FOXO1: variants seen among roughly 807,000 people sequenced by gnomAD.
FOXO1 encodes forkhead box O1, also known as forkhead box protein O1.
FOXO1 carries 6 observed loss-of-function variants against 44.1 expected under a neutral mutation model. The observed-to-expected ratio is 0.14, with a 90% CI of 0.07 to 0.27. FOXO1 has a LOEUF of 0.27. FOXO1 is among the 10% of genes least tolerant of loss of function. The pLI is 1.00. For synonymous variants in FOXO1, 380 were observed against 362.7 expected (o/e 1.05, Z -0.54); for missense variants, 737 against 888.8 (o/e 0.83, Z 2.17).
At chr13:40,603,019 A>G (rs1054660095) in intron 1 of FOXO1, among the ~76,000 whole-genome samples, 1 of 152,078 alleles carries the variant, frequency 6.6e-6, no homozygotes, top group Admixed American at 6.6e-5. Flanking sequence ...CTCACTCCCT[A>G]CGTCACTCCA....
chr13:40,648,076 A>ATT (rs558878972), intron 1 of FOXO1, among the ~76,000 whole-genome samples: 1 of 150,610 alleles, frequency 6.6e-6, no homozygotes, highest in Non-Finnish European at 1.5e-5. Flanking sequence ...AGAAAATACA[A>ATT]TTTTTTTTTT....
At chr13:40,615,080 T>A (rs73465296) in intron 1 of FOXO1, among the ~76,000 whole-genome samples, 115 of 152,242 alleles carry the variant, frequency 7.6e-4, no homozygotes, top group African/African-American at 2.7e-3. Flanking sequence ...GTAGATAAAA[T>A]GCACATTCAT....
chr13:40,657,916 A>G (rs1877907889), intron 1 of FOXO1, among the ~76,000 whole-genome samples: 1 of 152,220 alleles, frequency 6.6e-6, no homozygotes, highest in Admixed American at 6.5e-5. Context: ...TTATTCTCAC[A>G]TGATACAGAC....
rs1876565448 is a variant in FOXO1, at chr13:40,620,307, A to G, written c.630+45276T>C. On this transcript the variant is annotated intron_variant, in intron 1 of 2. Transcript: ENST00000379561. The stretch of plus-strand genomic sequence containing the variant: ...ACAGAACTCATCCAGAGTAGGGCTA[A>G]CAGAACATACAGTCACTATTCAAAG... 8.7e-6 allele frequency: 8 copies of G among 914,942 alleles called. No individual in the cohort carries two copies. In the South Asian group the frequency reaches 1.1e-4, roughly 12 times the overall value. 56.7% of individuals were successfully genotyped at this position (914,942 alleles called of 1,614,324 possible). A position where few individuals can be genotyped will look rare whatever the true frequency, so the allele number is the denominator to read the frequency against.
chr13:40,615,628 T>C (rs1401942155), intron 1 of FOXO1, among the ~76,000 whole-genome samples: 3 of 152,128 alleles, frequency 2.0e-5, no homozygotes, highest in Non-Finnish European at 4.4e-5. Context: ...AGGCTGTGAT[T>C]ATCAACAATG....
intron 1 of FOXO1, among the ~76,000 whole-genome samples, chr13:40,630,380 T>G (rs1236389386): frequency 6.6e-6 from 1 of 152,182 alleles, no homozygotes; most frequent in East Asian, 1.9e-4. Flanking sequence ...ACCAGCCTGG[T>G]GCAGTAGCTC....
At chr13:40,562,340 C>T (rs80223071) in intron 1 of FOXO1, among the ~76,000 whole-genome samples, 27,283 of 152,142 alleles carry the variant, frequency 0.18, 2,583 homozygotes, top group South Asian at 0.29. Flanking sequence ...TGTTTATCAT[C>T]CCTAGGCCAA....
At chr13:40,620,008 C>A in intron 1 of FOXO1, 1 of 746,860 alleles carries the variant, frequency 1.3e-6, no homozygotes, top group South Asian at 1.6e-5. Context: ...CACTGTTTGT[C>A]ATAATTCACA....
rs1399173842 is a variant in FOXO1, at chr13:40,666,012, G to C, written c.201C>G (p.Ser67Arg). The C allele has an allele frequency of 1.6e-6, 2 of 1,270,906 alleles. No individual in the cohort carries two copies. The highest frequency in any genetic ancestry group is 3.1e-5 in the African/African-American group (2 of 64,300). 78.7% of individuals were successfully genotyped at this position (1,270,906 alleles called of 1,614,324 possible). ...AGCTCAGGTTGCTCATGAAGTCGGCGCTGACAGCGGCAGCCGAGGCCGAGG... is the reference window on the plus strand; with the variant it reads ...AGCTCAGGTTGCTCATGAAGTCGGCCCTGACAGCGGCAGCCGAGGCCGAGG... ...GLPSASAAAV[S>R]ADFMSNLSLL... is the part of the protein sequence containing the mutation. The change falls in exon 1 of 3, where the codon AGC becomes AGG. Residue 67 changes from serine (S) to arginine (R), a missense_variant. Physicochemically the swap from Ser to Arg is moderately radical, Grantham distance 110 (BLOSUM62 -1). Transcript: ENST00000379561.
chr13:40,650,116 G>A (rs1277723102), intron 1 of FOXO1, among the ~76,000 whole-genome samples: 2 of 151,302 alleles, frequency 1.3e-5, no homozygotes, highest in East Asian at 2.0e-4. Context: ...TATGCTAAAC[G>A]AGGGGTGGAT....
chr13:40,556,491 TCATTTGCA>T lies in FOXO1; in HGVS notation c.*2550_*2557del, dbSNP rs1873756045. 2 of 152,774 alleles carry T rather than the reference TCATTTGCA, an allele frequency of 1.3e-5. No individual in the cohort carries two copies. The highest frequency in any genetic ancestry group is 6.5e-5 in the Admixed American group (1 of 15,308). The allele number at this position is 152,774 out of a possible 1,614,324, so 9.5% of individuals were successfully genotyped here. A position where few individuals can be genotyped will look rare whatever the true frequency, so the allele number is the denominator to read the frequency against. On this transcript the variant is annotated 3_prime_UTR_variant, in exon 3 of 3. Transcript: ENST00000379561. ...ATCAAACAAGGCTGCATAGGTGATA[TCATTTGCA>T]CATTTCACAAAGCAATCATGTACAA...
At chr13:40,564,276 A>T (rs1874171086) in intron 1 of FOXO1, among the ~76,000 whole-genome samples, 1 of 144,488 alleles carries the variant, frequency 6.9e-6, no homozygotes, top group Non-Finnish European at 1.5e-5. Flanking sequence ...ATACTAATTT[A>T]GACTTTAAAA....
chr13:40,568,392 C>G (rs557986588), intron 1 of FOXO1, among the ~76,000 whole-genome samples: 1 of 152,302 alleles, frequency 6.6e-6, no homozygotes, highest in South Asian at 2.1e-4. Flanking sequence ...TCCTTCCTCT[C>G]TTTTACACCA....
At chr13:40,563,068 T>G (rs1874102203) in intron 1 of FOXO1, among the ~76,000 whole-genome samples, 1 of 152,220 alleles carries the variant, frequency 6.6e-6, no homozygotes. Context: ...GCCAACTGGA[T>G]GCAAGGCTCA....
Position 40,558,518 on chromosome 13 carries a change from T to C in FOXO1, c.*531A>G, listed in dbSNP as rs1277219060. The C allele has an allele frequency of 4.5e-6, 1 of 222,054 alleles. No homozygotes were observed. The highest frequency in any genetic ancestry group is 8.8e-5 in the East Asian group (1 of 11,324). 13.8% of individuals were successfully genotyped at this position (222,054 alleles called of 1,614,324 possible). A position where few individuals can be genotyped will look rare whatever the true frequency, so the allele number is the denominator to read the frequency against. The stretch of plus-strand genomic sequence containing the variant: ...CGTGAACAGGTCCAAGGCTGTTCAA[T>C]GGAGATGCAGAATGGAGATTCAGTT... On this transcript the variant is annotated 3_prime_UTR_variant, in exon 3 of 3. Transcript: ENST00000379561.
At chr13:40,623,750 G>C (rs1876693415) in intron 1 of FOXO1, among the ~76,000 whole-genome samples, 1 of 151,996 alleles carries the variant, frequency 6.6e-6, no homozygotes, top group African/African-American at 2.4e-5. Flanking sequence ...GAAGGACATT[G>C]ATAAATCAGA....
chr13:40,568,321 A>T (rs1389204116), intron 1 of FOXO1, among the ~76,000 whole-genome samples: 1 of 152,188 alleles, frequency 6.6e-6, no homozygotes, highest in Non-Finnish European at 1.5e-5. Context: ...ATTTCTGTGA[A>T]CTTTCTCAAT....
chr13:40,663,450 T>C (rs904116765), intron 1 of FOXO1, among the ~76,000 whole-genome samples: 1 of 152,200 alleles, frequency 6.6e-6, no homozygotes, highest in African/African-American at 2.4e-5. Flanking sequence ...CAAGTTGAAG[T>C]AGGTTGTATC....
intron 1 of FOXO1, among the ~76,000 whole-genome samples, chr13:40,591,896 A>G (rs914663983): frequency 2.6e-5 from 4 of 152,046 alleles, no homozygotes; most frequent in Admixed American, 6.6e-5. Flanking sequence ...TAGTAGAGAC[A>G]GGGTCTCATG....
Sources: allele counts gnomAD v4.1 joint callset (sites outside exome capture counted in the v4.1 genomes callset), GRCh38; gene constraint gnomAD v4.1.1; transcripts MANE v1.5; gene names NCBI Gene and HGNC (gene_info 2026-07-23, HGNC 2026-07-21).